NALF1: variants seen among roughly 807,000 people sequenced by gnomAD.
The protein encoded by NALF1 is family with sequence similarity 155 member A.
A neutral mutation model predicts 48.4 loss-of-function variants in NALF1; 3 were observed. The observed-to-expected ratio is 0.06, with a 90% CI of 0.03 to 0.16. The LOEUF (loss-of-function observed/expected upper bound fraction) is 0.16. NALF1 is among the 10% of genes least tolerant of loss of function. NALF1 has a pLI of 1.00. For synonymous variants in NALF1, 262 were observed against 245.7 expected (o/e 1.07, Z -0.62); for missense variants, 526 against 571.5 (o/e 0.92, Z 0.81).
intron 1 of NALF1, among the ~76,000 whole-genome samples, chr13:107,737,645 A>G (rs905200647): frequency 3.3e-5 from 5 of 152,192 alleles, no homozygotes; most frequent in African/African-American, 1.2e-4. Context: ...GCTTCATTGC[A>G]TACTTTTGCA....
At chr13:107,672,130 T>A (rs567173805) in intron 1 of NALF1, among the ~76,000 whole-genome samples, 1 of 152,252 alleles carries the variant, frequency 6.6e-6, no homozygotes, top group East Asian at 1.9e-4. Context: ...CAGGTATTCA[T>A]CAATTAACAC....
intron 1 of NALF1, among the ~76,000 whole-genome samples, chr13:107,643,419 A>G (rs1052579412): frequency 9.2e-5 from 14 of 152,048 alleles, no homozygotes; most frequent in Admixed American, 7.2e-4. Context: ...AATATGACAC[A>G]GTTATTTATA....
Position 107,497,290 on chromosome 13 carries a change from GAT to G in NALF1, c.916-286537_916-286536del, listed in dbSNP as rs199999168. 2.1e-3 allele frequency among the ~76,000 whole-genome samples: 327 copies of G among 152,176 alleles called. 8 individuals are homozygous for G. In the East Asian group the frequency reaches 0.053, roughly 25 times the overall value. The stretch of plus-strand genomic sequence containing the variant: ...CTCTTAATTACTATTAACCGACACT[GAT>G]ATGAGTTTTACTGTTTTATCTAAAC... On this transcript the variant is annotated intron_variant, in intron 1 of 2. Transcript: ENST00000375915.
intron 1 of NALF1, among the ~76,000 whole-genome samples, chr13:107,613,659 C>T (rs1234228631): frequency 6.6e-6 from 1 of 152,160 alleles, no homozygotes; most frequent in African/African-American, 2.4e-5. Flanking sequence ...TATCTGTGTG[C>T]CTGTAATTAT....
chr13:107,829,696 C>A (rs987788670), intron 1 of NALF1, among the ~76,000 whole-genome samples: 1 of 130,256 alleles, frequency 7.7e-6, no homozygotes, highest in Non-Finnish European at 1.7e-5. Flanking sequence ...TGAGTTTACT[C>A]GTGTCTGAAA....
In NALF1 at chr13:107,849,929, G is replaced by A. The variant is rs577365279; in HGVS notation, c.915+15753C>T. 3.9e-5 allele frequency among the ~76,000 whole-genome samples: 6 copies of A among 152,270 alleles called. No individual in the cohort carries two copies. The South Asian group carries it at 1.2e-3, about 32-fold the overall frequency. On this transcript the variant is annotated intron_variant, in intron 1 of 2. Coordinates refer to ENST00000375915, the MANE Select transcript of NALF1 (RefSeq NM_001080396.3). ...TAGCTTTATCATGTAAATTATTCAT[G>A]TGTTGCTAGAAATTGTCTTCAGGCT...
chr13:107,253,910 T>C (rs1880755467), intron 1 of NALF1, among the ~76,000 whole-genome samples: 1 of 152,050 alleles, frequency 6.6e-6, no homozygotes, highest in Non-Finnish European at 1.5e-5. Flanking sequence ...TCACTACCAG[T>C]TGTTGTACGA....
intron 2 of NALF1, among the ~76,000 whole-genome samples, chr13:107,199,515 G>A (rs1271025486): frequency 2.0e-5 from 3 of 152,116 alleles, no homozygotes; most frequent in African/African-American, 7.2e-5. Flanking sequence ...ATTCTGGGGT[G>A]CTGGGGGTTA....
At chr13:107,794,571 A>T (rs1488551267) in intron 1 of NALF1, among the ~76,000 whole-genome samples, 1 of 151,704 alleles carries the variant, frequency 6.6e-6, no homozygotes, top group African/African-American at 2.4e-5. Context: ...AAAAAAGAAA[A>T]AAAAAGAATC....
intron 1 of NALF1, among the ~76,000 whole-genome samples, chr13:107,545,722 G>A (rs567761281): frequency 6.6e-6 from 1 of 152,100 alleles, no homozygotes; most frequent in South Asian, 2.1e-4. Flanking sequence ...ATGATGCTGG[G>A]AGAATGTGGG....
intron 1 of NALF1, among the ~76,000 whole-genome samples, chr13:107,637,753 A>G (rs1225237983): frequency 1.3e-5 from 2 of 152,168 alleles, no homozygotes; most frequent in African/African-American, 2.4e-5. Flanking sequence ...TCCAATAAAG[A>G]GTCGCATGTG....
chr13:107,178,806 G>C (rs141311967), intron 2 of NALF1, among the ~76,000 whole-genome samples: 1 of 152,056 alleles, frequency 6.6e-6, no homozygotes, highest in Non-Finnish European at 1.5e-5. Context: ...TTAGCCGGGC[G>C]TGGTGGCGGG....
intron 1 of NALF1, among the ~76,000 whole-genome samples, chr13:107,809,187 A>T (rs1878908593): frequency 6.6e-6 from 1 of 151,934 alleles, no homozygotes. Flanking sequence ...GCAAAGAAAC[A>T]GAACCCCAAT....
intron 1 of NALF1, among the ~76,000 whole-genome samples, chr13:107,238,713 T>C (rs1208601794): frequency 6.6e-6 from 1 of 152,126 alleles, no homozygotes; most frequent in African/African-American, 2.4e-5. Flanking sequence ...TGCTTTTGAG[T>C]AGGCTGATAA....
intron 1 of NALF1, among the ~76,000 whole-genome samples, chr13:107,742,810 C>A (rs1876677142): frequency 6.6e-6 from 1 of 152,076 alleles, no homozygotes; most frequent in South Asian, 2.1e-4. Flanking sequence ...CTCACAACCC[C>A]CAGCAGAGGG....
intron 1 of NALF1, among the ~76,000 whole-genome samples, chr13:107,588,526 T>C (rs779955569): frequency 1.3e-5 from 2 of 152,042 alleles, no homozygotes; most frequent in Admixed American, 1.3e-4. Flanking sequence ...AAAGACAGAA[T>C]GAAGTCATCA....
intron 1 of NALF1, among the ~76,000 whole-genome samples, chr13:107,359,178 C>T (rs1224352699): frequency 6.6e-6 from 1 of 152,102 alleles, no homozygotes; most frequent in Non-Finnish European, 1.5e-5. Context: ...TCATTCTCAT[C>T]CTTTTTTCTC....
At chr13:107,537,897 A>C (rs1407101367) in intron 1 of NALF1, among the ~76,000 whole-genome samples, 1 of 152,114 alleles carries the variant, frequency 6.6e-6, no homozygotes, top group Admixed American at 6.6e-5. Flanking sequence ...ACATACCTGT[A>C]ATCCCAGCTA....
At chr13:107,648,488 A>ATCTG (rs1880369125) in intron 1 of NALF1, among the ~76,000 whole-genome samples, 1 of 152,130 alleles carries the variant, frequency 6.6e-6, no homozygotes, top group Non-Finnish European at 1.5e-5. Context: ...TTTAATGTTT[A>ATCTG]TCTGTGTCTT....
Sources: gnomAD v4.1 joint callset for allele counts (sites outside exome capture counted in the v4.1 genomes callset) on GRCh38, gnomAD v4.1.1 for gene constraint, MANE v1.5 for transcripts, NCBI Gene and HGNC (gene_info 2026-07-23, HGNC 2026-07-21) for gene names.